Variants in ERN1 observed in about 807,000 individuals in gnomAD.
ERN1 encodes serine/threonine-protein kinase/endoribonuclease IRE1.
Under a neutral mutation model 113.1 loss-of-function variants are expected in ERN1, and 39 were observed. The ratio of observed to expected loss-of-function variants is 0.34; its 90% CI spans 0.27 to 0.45. ERN1 has a LOEUF of 0.45. Ranked by LOEUF, ERN1 falls within the 20% of genes least tolerant of loss-of-function variation. The probability of loss-of-function intolerance (pLI) is 1.00; values close to 1 mark genes in which losing one functional copy is unlikely to be tolerated. For missense variants in ERN1, 976 were observed against 1,274.8 expected (o/e 0.77, Z 3.57); for synonymous variants, 507 against 515.9 (o/e 0.98, Z 0.23).
chr17:64,129,761 G>A (rs962962634), intron 1 of ERN1: 1 of 407,632 alleles, frequency 2.5e-6, no homozygotes, highest in Non-Finnish European at 4.2e-6. Context: ...GGCGGCCGAC[G>A]CCTCGGTGGG....
chr17:64,072,260 TA>T (rs963577268), intron 5 of ERN1, among the ~76,000 whole-genome samples, 157 bp from the exon 6 acceptor site: 4 of 152,254 alleles, frequency 2.6e-5, no homozygotes, highest in Non-Finnish European at 5.9e-5. Flanking sequence ...GCAGAGATAA[TA>T]AAACTTCTTA....
Position 64,098,275 on chromosome 17 carries a change from T to C in ERN1, c.55-34A>G, listed in dbSNP as rs868852996. The C allele has an allele frequency of 4.7e-5, 76 of 1,613,570 alleles. 4 individuals carry two copies. In the Middle Eastern group the frequency reaches 8.9e-3, roughly 189 times the overall value. ...AGATGTAGAAGACTCTTAATGTTGA[T>C]ATGATTCTTCACCTTGGGCATGTAC... On this transcript the variant is annotated intron_variant, in intron 1 of 21. Transcript: ENST00000433197.
At chr17:64,086,985 T>C (rs1408425649) in intron 2 of ERN1, among the ~76,000 whole-genome samples, 1 of 152,178 alleles carries the variant, frequency 6.6e-6, no homozygotes, top group Non-Finnish European at 1.5e-5. Context: ...TCATATTGTT[T>C]ACCTCTGACA....
chr17:64,054,542 TAG>T lies in ERN1; in HGVS notation c.1764-105_1764-104del. 1 of 1,222,904 alleles carries T rather than the reference TAG, an allele frequency of 8.2e-7. No homozygotes were observed. The highest frequency in any genetic ancestry group is 1.1e-6 in the Non-Finnish European group (1 of 876,054). The allele number at this position is 1,222,904 out of a possible 1,614,324, so 75.8% of individuals were successfully genotyped here. ...AGCATTCACCTACTGCCTCCCAGCC[TAG>T]AGAGCCCCGCCTGACTGCCTGGTGG... On this transcript the variant is annotated intron_variant, in intron 14 of 21. Transcript: ENST00000433197. This position sits in a 1 kb window ranked among gnomAD's most constrained non-coding sequence, Gnocchi z 4.9.
intron 2 of ERN1, among the ~76,000 whole-genome samples, chr17:64,086,898 C>A (rs1431777378): frequency 2.6e-5 from 4 of 151,920 alleles, no homozygotes; most frequent in South Asian, 2.1e-4. Flanking sequence ...CCCGCCGTGG[C>A]CTCCCAAAGT....
chr17:64,088,985 G>A (rs1914011195), intron 2 of ERN1, among the ~76,000 whole-genome samples: 1 of 152,116 alleles, frequency 6.6e-6, no homozygotes, highest in Admixed American at 6.5e-5. Flanking sequence ...TTGTGATGTG[G>A]AATGTTGGTC....
chr17:64,047,232 C>T (rs759517401), intron 19 of ERN1, among the ~76,000 whole-genome samples: 1 of 152,072 alleles, frequency 6.6e-6, no homozygotes, highest in Non-Finnish European at 1.5e-5. Context: ...CGTGGTGGTG[C>T]ATATCTGTAA....
At chr17:64,079,765 A>C (rs757360846) in intron 3 of ERN1, 31 bp from the exon 4 acceptor site, 11 of 1,569,256 alleles carry the variant, frequency 7.0e-6, no homozygotes, top group African/African-American at 1.4e-5. Flanking sequence ...ATCAAAGATA[A>C]ATTACAGCCC....
chr17:64,065,549 C>T (rs1392951414), intron 8 of ERN1, among the ~76,000 whole-genome samples: 2 of 152,134 alleles, frequency 1.3e-5, no homozygotes, highest in Admixed American at 6.5e-5. Context: ...CTGGACTAGA[C>T]GATGCCCATG....
At chr17:64,075,824 G>A (rs370157761) in intron 4 of ERN1, among the ~76,000 whole-genome samples, 11 of 152,224 alleles carry the variant, frequency 7.2e-5, no homozygotes, top group African/African-American at 2.7e-4. Context: ...AGCCAGAGCT[G>A]GCTAGACTGA....
At position 64,055,860 on chromosome 17, in the gene ERN1, A is replaced by AGCT. The variant is rs541102253; in HGVS notation, c.1484_1486dup (p.Gln495dup). 2,024 of 1,550,874 alleles carry AGCT rather than the reference A, an allele frequency of 1.3e-3. 11 individuals carry two copies. In the African/African-American group the frequency reaches 0.022, roughly 17 times the overall value. ...CGTGTCTCCAGGTGGGTGGAAGGGC[A>AGCT]GCTGCTGCTGCTGCTGCTGCAGGAG... On this transcript the variant is annotated inframe_insertion, in exon 13 of 22. Coordinates refer to ENST00000433197, the MANE Select transcript of ERN1 (RefSeq NM_001433.5).
At chr17:64,087,456 T>C (rs529434900) in intron 2 of ERN1, among the ~76,000 whole-genome samples, 1 of 152,292 alleles carries the variant, frequency 6.6e-6, no homozygotes, top group African/African-American at 2.4e-5. Flanking sequence ...GATTGGCTAG[T>C]GGGTCCCACT....
intron 1 of ERN1, among the ~76,000 whole-genome samples, chr17:64,108,983 G>A (rs1291249631): frequency 6.6e-6 from 1 of 152,114 alleles, no homozygotes; most frequent in Non-Finnish European, 1.5e-5. Context: ...AATTAGCTGG[G>A]CGTGGTGGCG....
At chr17:64,053,469 G>T in intron 15 of ERN1, 98 bp from the exon 16 acceptor site, 1 of 720,042 alleles carries the variant, frequency 1.4e-6, no homozygotes, top group Non-Finnish European at 2.1e-6. Context: ...GAAATGGCAA[G>T]TTTTACTGAC....
At chr17:64,085,607 C>T (rs959812802) in intron 2 of ERN1, among the ~76,000 whole-genome samples, 1 of 152,176 alleles carries the variant, frequency 6.6e-6, no homozygotes, top group Non-Finnish European at 1.5e-5. Flanking sequence ...TTTCCTACTT[C>T]CACTCTTGGC....
intron 2 of ERN1, among the ~76,000 whole-genome samples, chr17:64,087,484 C>T (rs112487850): frequency 1.4e-4 from 22 of 152,278 alleles, no homozygotes; most frequent in African/African-American, 4.1e-4. Context: ...AGTCACACAA[C>T]CTAGAAACTC....
intron 1 of ERN1, among the ~76,000 whole-genome samples, chr17:64,105,574 C>G (rs759015539): frequency 7.2e-5 from 11 of 151,960 alleles, no homozygotes; most frequent in South Asian, 2.1e-4. Flanking sequence ...GGTTTTTTCT[C>G]TGTGTGTGTG....
chr17:64,055,608 T>C, intron 13 of ERN1, 67 bp downstream of exon 13: 1 of 1,410,560 alleles, frequency 7.1e-7, no homozygotes, highest in Non-Finnish European at 9.5e-7. Context: ...TTATGGAGAC[T>C]CCTTGGACTT....
intron 1 of ERN1, among the ~76,000 whole-genome samples, chr17:64,105,523 T>A (rs1267472606): frequency 6.6e-6 from 1 of 152,198 alleles, no homozygotes; most frequent in Non-Finnish European, 1.5e-5. Context: ...AAAATTTGTT[T>A]TAGGAATATC....
Sources: allele counts gnomAD v4.1 joint callset (sites outside exome capture counted in the v4.1 genomes callset), GRCh38; gene constraint gnomAD v4.1.1; non-coding constraint Gnocchi (gnomAD v3.1); transcripts MANE v1.5; gene names NCBI Gene and HGNC (gene_info 2026-07-23, HGNC 2026-07-21).